CLMN: variants seen among roughly 807,000 people sequenced by gnomAD.
CLMN encodes calmin, also known as calmin (calponin-like, transmembrane).
A neutral mutation model predicts 92.7 loss-of-function variants in CLMN; 57 were observed. That is an observed-to-expected ratio of 0.61 (90% CI 0.50 to 0.77). The LOEUF is 0.77. Among genes scored for constraint, CLMN ranks in the 30% least tolerant of loss-of-function variants. CLMN has a pLI of 0.00. For synonymous variants in CLMN, 466 were observed against 470.6 expected, an observed-to-expected ratio of 0.99 and a Z score of 0.13; for missense variants, 1,158 against 1,237.5, an observed-to-expected ratio of 0.94 and a Z score of 0.96.
At chr14:95,213,681 T>C (rs889945215) in intron 5 of CLMN, among the ~76,000 whole-genome samples, 4 of 152,058 alleles carry the variant, frequency 2.6e-5, no homozygotes, top group Non-Finnish European at 5.9e-5. Context: ...CAGCCAGCAC[T>C]TCACACCAGG....
At chr14:95,281,926 T>C (rs1900157964) in intron 1 of CLMN, among the ~76,000 whole-genome samples, 2 of 151,862 alleles carry the variant, frequency 1.3e-5, no homozygotes, top group Admixed American at 6.6e-5. Context: ...AGAAAGAGAG[T>C]AGAGGCTAGG....
In CLMN at chr14:95,288,343, G is replaced by C. The variant is rs1490578671; in HGVS notation, c.82+31368C>G. ...GGGATCACAGTAGGCTTTTGAAAGA[G>C]ATAAGCCTAAGAGAAGCCTTAAAGA... On this transcript the variant is annotated intron_variant, in intron 1 of 12. Transcript: ENST00000298912. 3.3e-5 allele frequency among the ~76,000 whole-genome samples: 5 copies of C among 152,220 alleles called. No homozygotes were observed. The South Asian group carries it at 8.3e-4, about 25-fold the overall frequency.
rs558490245 is a variant in CLMN, at chr14:95,274,209, G to A, written c.83-44076C>T. 9.2e-5 allele frequency among the ~76,000 whole-genome samples: 14 copies of A among 152,086 alleles called. No homozygotes were observed. The East Asian group carries it at 9.7e-4, about 10-fold the overall frequency. Reference sequence around the variant, plus strand: ...TGGTTTCTCCTGAACGTGTTTAGCCGTGAGCTCTCTGCGCACCCAGATTCC... The same window carrying A: ...TGGTTTCTCCTGAACGTGTTTAGCCATGAGCTCTCTGCGCACCCAGATTCC... On this transcript the variant is annotated intron_variant, in intron 1 of 12. Transcript: ENST00000298912.
intron 12 of CLMN, chr14:95,193,295 C>T (rs1896605274): frequency 6.8e-7 from 1 of 1,479,302 alleles, no homozygotes; most frequent in Non-Finnish European, 9.1e-7. Context: ...GCCAGGCCAA[C>T]AGTTCTCCGA....
At chr14:95,226,114 C>T (rs1595592729) in intron 2 of CLMN, among the ~76,000 whole-genome samples, 1 of 152,214 alleles carries the variant, frequency 6.6e-6, no homozygotes, top group African/African-American at 2.4e-5. Context: ...CTGGCCTGTA[C>T]AGTCACCCCT....
chr14:95,199,735 T>C (rs1896822918), intron 9 of CLMN, among the ~76,000 whole-genome samples: 1 of 149,972 alleles, frequency 6.7e-6, no homozygotes, highest in South Asian at 2.1e-4. Flanking sequence ...GGGGAGGAGG[T>C]CGGAGGGCTT....
At chr14:95,210,251 C>T (rs1897159372) in intron 7 of CLMN, among the ~76,000 whole-genome samples, 1 of 151,754 alleles carries the variant, frequency 6.6e-6, no homozygotes, top group Non-Finnish European at 1.5e-5. Flanking sequence ...GGGGTTTCAC[C>T]ATGTTGGCCA....
intron 1 of CLMN, among the ~76,000 whole-genome samples, chr14:95,255,596 G>A (rs1332003936): frequency 6.6e-6 from 1 of 152,154 alleles, no homozygotes; most frequent in East Asian, 1.9e-4. Flanking sequence ...GGAGGCAGTA[G>A]GGTACTTGTT....
intron 1 of CLMN, among the ~76,000 whole-genome samples, chr14:95,289,456 T>C (rs1481872813): frequency 2.0e-5 from 3 of 149,556 alleles, no homozygotes; most frequent in Admixed American, 6.8e-5. Context: ...AGAGCAAGAC[T>C]CTGTCTCAAA....
chr14:95,219,439 T>A (rs1897456618), intron 4 of CLMN, among the ~76,000 whole-genome samples: 2 of 152,126 alleles, frequency 1.3e-5, no homozygotes, highest in African/African-American at 4.8e-5. Context: ...AGGGAGCAGG[T>A]GGGCATCAGA....
Position 95,191,002 on chromosome 14 carries a change from T to C in CLMN, c.*562A>G, listed in dbSNP as rs943405506. ...TGGATTCTGCCATTCCTGGATGTGCTTACACAGAGCTGGCTGCTCGGATTT... is the reference window on the plus strand; with the variant it reads ...TGGATTCTGCCATTCCTGGATGTGCCTACACAGAGCTGGCTGCTCGGATTT... On this transcript the variant is annotated 3_prime_UTR_variant, in exon 13 of 13. Coordinates refer to ENST00000298912, the MANE Select transcript of CLMN (RefSeq NM_024734.4). This position sits in a 1 kb window ranked among gnomAD's most constrained non-coding sequence, Gnocchi z 5.3. 10 of 152,304 alleles carry C rather than the reference T, an allele frequency of 6.6e-5. No individual in the cohort carries two copies. Among genetic ancestry groups the C allele is most frequent in the African/African-American group, 2.4e-4 (10 of 41,452 alleles). 9.4% of individuals were successfully genotyped at this position (152,304 alleles called of 1,614,324 possible).
At chr14:95,243,781 C>T (rs1320431615) in intron 1 of CLMN, among the ~76,000 whole-genome samples, 6 of 149,098 alleles carry the variant, frequency 4.0e-5, no homozygotes, top group Non-Finnish European at 8.9e-5. Context: ...GAGCACTCGA[C>T]AATCCAGTTT....
At chr14:95,216,810 C>T (rs1209124722) in intron 4 of CLMN, among the ~76,000 whole-genome samples, 1 of 152,212 alleles carries the variant, frequency 6.6e-6, no homozygotes, top group Non-Finnish European at 1.5e-5. Context: ...AACCTGACAT[C>T]TGGACCAGCA....
rs749906662 is a variant in CLMN at position 95,190,091 on chromosome 14, T to A, written c.*1473A>T. On this transcript the variant is annotated 3_prime_UTR_variant, in exon 13 of 13. Coordinates refer to ENST00000298912, the MANE Select transcript of CLMN (RefSeq NM_024734.4). ...GCTGTCAAGGGTATTTCAGAAGGAATTGGGGATGAGCTTGAAGGTGAGTAA... is the reference window on the plus strand; with the variant it reads ...GCTGTCAAGGGTATTTCAGAAGGAAATGGGGATGAGCTTGAAGGTGAGTAA... 1 of 152,196 alleles carries A rather than the reference T, an allele frequency of 6.6e-6. No individual in the cohort carries two copies. The highest frequency in any genetic ancestry group is 6.5e-5 in the Admixed American group (1 of 15,280). The allele number at this position is 152,196 out of a possible 1,614,324, so 9.4% of individuals were successfully genotyped here.
intron 1 of CLMN, among the ~76,000 whole-genome samples, chr14:95,298,145 C>A (rs1900889504): frequency 6.6e-6 from 1 of 152,132 alleles, no homozygotes; most frequent in South Asian, 2.1e-4. Context: ...TCAACCCCAC[C>A]CCACCCGGCT....
At chr14:95,231,592 G>T (rs1227569208) in intron 1 of CLMN, among the ~76,000 whole-genome samples, 1 of 152,178 alleles carries the variant, frequency 6.6e-6, no homozygotes, top group African/African-American at 2.4e-5. Context: ...GTGCCAAAAA[G>T]GCTGGAGACC....
intron 1 of CLMN, among the ~76,000 whole-genome samples, chr14:95,243,302 A>C (rs1479867383): frequency 7.1e-6 from 1 of 140,254 alleles, no homozygotes; most frequent in African/African-American, 3.0e-5. Context: ...AAAATCAAAG[A>C]GCAGTGGTGG....
At chr14:95,289,526 A>AAAC (rs1900480053) in intron 1 of CLMN, among the ~76,000 whole-genome samples, 1 of 149,008 alleles carries the variant, frequency 6.7e-6, no homozygotes, top group East Asian at 1.9e-4. Flanking sequence ...AACAAACAAA[A>AAAC]AAACCGTTGT....
rs565985722 is a variant in CLMN at position 95,314,013 on chromosome 14, TGCTGACAC to T, written c.82+5690_82+5697del. Among the ~76,000 whole-genome samples, 567 of 152,376 alleles carry T rather than the reference TGCTGACAC, an allele frequency of 3.7e-3. 1 individual carries two copies. The highest frequency in any genetic ancestry group is 0.013 in the African/African-American group (542 of 41,584). ...GGCTGCTCTGATGCAAAGTCGTGGC[TGCTGACAC>T]GTGATTCTGTGGCGAAACTTCTTCC... On this transcript the variant is annotated intron_variant, in intron 1 of 12. Coordinates refer to ENST00000298912, the MANE Select transcript of CLMN (RefSeq NM_024734.4).
Sources: gnomAD v4.1 joint callset for allele counts (sites outside exome capture counted in the v4.1 genomes callset) on GRCh38, gnomAD v4.1.1 for gene constraint, Gnocchi (gnomAD v3.1) non-coding constraint, MANE v1.5 for transcripts, NCBI Gene and HGNC (gene_info 2026-07-23, HGNC 2026-07-21) for gene names.